UBR4: variants seen among roughly 807,000 people sequenced by gnomAD.
UBR4 encodes the protein E3 ubiquitin-protein ligase UBR4.
Under a neutral mutation model 575.6 loss-of-function variants are expected in UBR4, and 124 were observed. The ratio of observed to expected loss-of-function variants is 0.22; its 90% CI spans 0.19 to 0.25. The LOEUF (loss-of-function observed/expected upper bound fraction) is 0.25. Ranked by LOEUF, UBR4 falls within the 10% of genes least tolerant of loss-of-function variation. The pLI is 1.00. For synonymous variants in UBR4, 2,455 were observed against 2,473.7 expected, an observed-to-expected ratio of 0.99 and a Z score of 0.22; for missense variants, 4,818 against 6,478.8, an observed-to-expected ratio of 0.74 and a Z score of 8.80.
At chr1:19,167,917 A>G (rs1194674596) in intron 28 of UBR4, 110 bp downstream of exon 28, 1 of 1,213,948 alleles carries the variant, frequency 8.2e-7, no homozygotes, top group Non-Finnish European at 1.1e-6. Context: ...TTTTTGCTAA[A>G]GAAGTATATA....
intron 1 of UBR4, 108 bp downstream of exon 1, chr1:19,209,965 G>A (rs1312527608): frequency 2.0e-5 from 27 of 1,343,138 alleles, no homozygotes; most frequent in Non-Finnish European, 2.2e-5. Flanking sequence ...GGCTGTGGCG[G>A]GGATCCTCAA....
intron 26 of UBR4, 72 bp from the exon 27 acceptor site, chr1:19,169,604 G>T: frequency 7.7e-7 from 1 of 1,306,188 alleles, no homozygotes; most frequent in South Asian, 1.3e-5. Context: ...TAAAAGCCAA[G>T]CCCAAATGCA....
intron 8 of UBR4, among the ~76,000 whole-genome samples, chr1:19,194,674 C>T (rs898644254): frequency 1.3e-5 from 2 of 151,892 alleles, no homozygotes; most frequent in Non-Finnish European, 2.9e-5. Flanking sequence ...AAGTGGCAGG[C>T]GCCTATAATC....
chr1:19,125,085 T>C (rs954804688), intron 64 of UBR4, among the ~76,000 whole-genome samples: 1 of 152,092 alleles, frequency 6.6e-6, no homozygotes, highest in Admixed American at 6.6e-5. Context: ...GAACCAAAAT[T>C]TCCCATGATA....
chr1:19,199,208 T>G (rs1242891054), intron 3 of UBR4, among the ~76,000 whole-genome samples: 1 of 152,224 alleles, frequency 6.6e-6, no homozygotes, highest in Non-Finnish European at 1.5e-5. Flanking sequence ...ACCTTGCACC[T>G]CCATTCCTGC....
In UBR4 at chr1:19,129,113, C is replaced by T. The variant is rs754358329; in HGVS notation, c.8907-39G>A. On this transcript the variant is annotated intron_variant, in intron 60 of 105. Coordinates refer to ENST00000375254, the MANE Select transcript of UBR4 (RefSeq NM_020765.3). ...GAAAAGATAGAAAATATGAGCTGTA[C>T]TCCAACAGGACACAGCTGAATACAG... is the stretch of plus-strand genomic sequence containing the variant. 14 of 1,553,668 alleles carry T rather than the reference C, an allele frequency of 9.0e-6. No individual in the cohort carries two copies. In the South Asian group the frequency reaches 1.5e-4, roughly 16 times the overall value.
chr1:19,077,401 C>A (rs2076055532), intron 104 of UBR4, among the ~76,000 whole-genome samples: 1 of 152,190 alleles, frequency 6.6e-6, no homozygotes, highest in Non-Finnish European at 1.5e-5. Context: ...ACAGCCGAGT[C>A]TGGAGCAGGC....
chr1:19,190,046 G>C (rs1295928691), intron 11 of UBR4, among the ~76,000 whole-genome samples: 2 of 151,828 alleles, frequency 1.3e-5, no homozygotes, highest in Non-Finnish European at 2.9e-5. Flanking sequence ...CAGCACTTTG[G>C]GATGCTGAGG....
At chr1:19,105,988 C>T (rs553817662) in intron 83 of UBR4, 146 bp from the exon 84 acceptor site, 1 of 537,030 alleles carries the variant, frequency 1.9e-6, no homozygotes, top group Admixed American at 3.8e-5. Flanking sequence ...AAATCACCAG[C>T]TAACACAAGA....
At position 19,151,636 on chromosome 1, in the gene UBR4, G is replaced by T; in HGVS notation, c.7213+7C>A. 6.2e-7 allele frequency: 1 copy of T among 1,614,164 alleles called. No homozygotes were observed. Among genetic ancestry groups the T allele is most frequent in the East Asian group, 2.2e-5 (1 of 44,888 alleles). ...GACAGAGTCTGCACCAGGGGTTGGT[G>T]ACTCACTGAAGAGGTTCAGCTTCTT... is the stretch of plus-strand genomic sequence containing the variant. On this transcript the variant is annotated splice_region_variant and intron_variant, in intron 48 of 105. Coordinates refer to ENST00000375254, the MANE Select transcript of UBR4 (RefSeq NM_020765.3).
At position 19,089,794 on chromosome 1, in the gene UBR4, T is replaced by G. The variant is rs997964209; in HGVS notation, c.14212-817A>C. On this transcript the variant is annotated intron_variant, in intron 97 of 105. Coordinates refer to ENST00000375254, the MANE Select transcript of UBR4 (RefSeq NM_020765.3). The surrounding 1 kb of genome is among the most constrained non-coding windows in gnomAD (Gnocchi z 4.3). ...GATCACTCAGTAGCTCATAAATCTG[T>G]TCTCACAGCAAGTCCACTTCCAATC... Among the ~76,000 whole-genome samples the G allele has an allele frequency of 1.3e-5, 2 of 152,134 alleles. No homozygotes were observed. Among genetic ancestry groups the G allele is most frequent in the African/African-American group, 4.8e-5 (2 of 41,412 alleles).
At chr1:19,133,232 G>C (rs987301466) in intron 60 of UBR4, among the ~76,000 whole-genome samples, 1 of 151,926 alleles carries the variant, frequency 6.6e-6, no homozygotes, top group African/African-American at 2.4e-5. Flanking sequence ...TGACTAAATA[G>C]GCTTAATAAT....
rs753332094 is a variant in UBR4, at chr1:19,176,680, G to A, written c.2685C>T (p.Ser895=). The change falls in exon 20 of 106, where the codon TCC becomes TCT. Residue 895 remains serine, a synonymous_variant. Transcript: ENST00000375254. Reference sequence around the variant, plus strand: ...TTGCCCGGCGGCTGTTGCTGTCCTGGGATCCACTTGCCCACCCAAAGGGAG... The same window carrying A: ...TTGCCCGGCGGCTGTTGCTGTCCTGAGATCCACTTGCCCACCCAAAGGGAG... ...LSPPFGWASG[S]QDSNSRRATT... 3 of 1,614,016 alleles carry A rather than the reference G, an allele frequency of 1.9e-6. No homozygotes were observed. Among genetic ancestry groups the A allele is most frequent in the African/African-American group, 2.7e-5 (2 of 75,000 alleles).
chr1:19,090,828 C>T (rs1301024585), intron 97 of UBR4, among the ~76,000 whole-genome samples: 1 of 152,192 alleles, frequency 6.6e-6, no homozygotes, highest in Admixed American at 6.5e-5. Context: ...GACACAATGG[C>T]TCACGTCTGT....
Position 19,170,785 on chromosome 1 carries a change from C to G in UBR4, c.3620G>C (p.Ser1207Thr). The change falls in exon 26 of 106, where the codon AGC becomes ACC. Residue 1207 changes from serine (S) to threonine (T), a missense_variant. Ser to Thr is a moderately conservative substitution (Grantham distance 58). This residue lies in a region of UBR4 where 1,172 missense variants were observed against 1,259.7 expected (regional missense o/e 0.93). Transcript: ENST00000375254. The part of the protein sequence containing the change: ...GFAAVLAIGS[S>T]RCKANTLGPT... ...ACCCAGAGTATTTGCCTTGCACCTG[C>G]TAGAGCCAATAGCCAAAACAGCAGC... The G allele has an allele frequency of 6.2e-7, 1 of 1,614,168 alleles. No homozygotes were observed. Among genetic ancestry groups the G allele is most frequent in the South Asian group, 1.1e-5 (1 of 91,082 alleles).
intron 81 of UBR4, among the ~76,000 whole-genome samples, chr1:19,108,491 G>A (rs1377225893): frequency 6.6e-6 from 1 of 152,150 alleles, no homozygotes; most frequent in Non-Finnish European, 1.5e-5. Flanking sequence ...GGGTGCAGCA[G>A]AGGCGCTTTC....
At position 19,167,179 on chromosome 1, in the gene UBR4, G is replaced by A. The variant is rs144143601; in HGVS notation, c.3952C>T (p.Leu1318Phe). The change falls in exon 29 of 106, where the codon CTT (leucine) becomes TTT (phenylalanine). Residue 1318 changes from leucine (L) to phenylalanine (F), a missense_variant. Physicochemically the swap from Leu to Phe is conservative, Grantham distance 22 (BLOSUM62 0). This residue lies in a region of UBR4 where 1,172 missense variants were observed against 1,259.7 expected (regional missense o/e 0.93). Coordinates refer to ENST00000375254, the MANE Select transcript of UBR4 (RefSeq NM_020765.3). ...ACACTCTCAGTGCTTGATTCCAAAAGAAGAGGTAGCAGTGTCCGAATTACC... is the reference window on the plus strand; with the variant it reads ...ACACTCTCAGTGCTTGATTCCAAAAAAAGAGGTAGCAGTGTCCGAATTACC... ...PQVIRTLLPL[L>F]LESSTESVAE... 2 of 1,614,098 alleles carry A rather than the reference G, an allele frequency of 1.2e-6. No homozygotes were observed. Among genetic ancestry groups the A allele is most frequent in the South Asian group, 2.2e-5 (2 of 91,090 alleles).
At position 19,095,528 on chromosome 1, in the gene UBR4, C is replaced by A. The variant is rs1267363529; in HGVS notation, c.13626+17G>T. On this transcript the variant is annotated intron_variant, in intron 93 of 105. Transcript: ENST00000375254. ...TCCAAGGCCCACTCTTCTTCACCTG[C>A]AGTCCATGCTCCTTACCAGGTTTAG... 1 of 1,611,128 alleles carries A rather than the reference C, an allele frequency of 6.2e-7. No homozygotes were observed.
Position 19,096,592 on chromosome 1 carries a change from C to T in UBR4, c.13449G>A (p.Gly4483=). The change falls in exon 92 of 106, where the codon GGG becomes GGA. Residue 4483 remains glycine (G), a synonymous_variant. Coordinates refer to ENST00000375254, the MANE Select transcript of UBR4 (RefSeq NM_020765.3). The stretch of plus-strand genomic sequence containing the variant: ...GTCTGTTAAGCATGCATTCCAGGCC[C>T]CCACACTGGGCCATCACACCAGCCA... ...YKMAGVMAQC[G]GLECMLNRLA... 6.2e-7 allele frequency: 1 copy of T among 1,613,760 alleles called. No individual in the cohort carries two copies.
Sources: allele counts gnomAD v4.1 joint callset (sites outside exome capture counted in the v4.1 genomes callset), GRCh38; gene constraint gnomAD v4.1.1; regional missense constraint gnomAD v4.1.1; non-coding constraint Gnocchi (gnomAD v3.1); transcripts MANE v1.5; gene names NCBI Gene and HGNC (gene_info 2026-07-23, HGNC 2026-07-21).